Variants in GRM5 observed in about 807,000 individuals in gnomAD.
The protein encoded by GRM5 is metabotropic glutamate receptor 5.
In GRM5, 19 loss-of-function variants were observed where a neutral mutation model predicts 83.1. The observed-to-expected ratio is 0.23, with a 90% confidence interval of 0.16 to 0.34. The LOEUF (loss-of-function observed/expected upper bound fraction) is 0.34. Ranked by LOEUF, GRM5 falls within the 10% of genes least tolerant of loss-of-function variation. GRM5 has a pLI of 1.00. For missense variants in GRM5, 1,160 were observed against 1,588.3 expected (o/e 0.73, Z 4.58); for synonymous variants, 675 against 633.6 (o/e 1.07, Z -0.98).
At chr11:89,020,116 T>C (rs949722363) in intron 2 of GRM5, among the ~76,000 whole-genome samples, 5 of 152,206 alleles carry the variant, frequency 3.3e-5, no homozygotes, top group Non-Finnish European at 7.3e-5. Context: ...GGGCTGAATA[T>C]ACCTTATCTA....
intron 8 of GRM5, among the ~76,000 whole-genome samples, chr11:88,543,599 A>C (rs1942320715): frequency 6.6e-6 from 1 of 150,518 alleles, no homozygotes; most frequent in Non-Finnish European, 1.5e-5. Context: ...GGAAAAAAAA[A>C]ACCCACAACC....
intron 3 of GRM5, among the ~76,000 whole-genome samples, chr11:88,704,621 C>T (rs982762686): frequency 6.6e-6 from 1 of 152,052 alleles, no homozygotes; most frequent in African/African-American, 2.4e-5. Flanking sequence ...ACTGCTTGAC[C>T]CTTTTGCCCT....
intron 8 of GRM5, among the ~76,000 whole-genome samples, chr11:88,554,813 A>C (rs115831942): frequency 6.6e-6 from 1 of 152,144 alleles, no homozygotes; most frequent in East Asian, 1.9e-4. Flanking sequence ...TGAGACTGCT[A>C]TGGAATTTAC....
At chr11:88,871,003 T>A (rs1413655730) in intron 2 of GRM5, among the ~76,000 whole-genome samples, 1 of 151,668 alleles carries the variant, frequency 6.6e-6, no homozygotes. Flanking sequence ...GTGACCACTG[T>A]ACATTATATG....
chr11:88,778,121 T>TTC (rs1942897721), intron 3 of GRM5, among the ~76,000 whole-genome samples: 1 of 151,474 alleles, frequency 6.6e-6, no homozygotes, highest in Admixed American at 6.6e-5. Context: ...CATTTGGAGC[T>TTC]TCCTTGGCCA....
At chr11:88,610,589 A>G (rs1938285838) in intron 4 of GRM5, among the ~76,000 whole-genome samples, 1 of 152,172 alleles carries the variant, frequency 6.6e-6, no homozygotes, top group Non-Finnish European at 1.5e-5. Context: ...ACTTTACCGA[A>G]GTTGTTTATC....
At position 88,639,255 on chromosome 11, in the gene GRM5, G is replaced by T. The variant is rs76734967; in HGVS notation, c.1147+13913C>A. Among the ~76,000 whole-genome samples, 679 of 152,108 alleles carry T rather than the reference G, an allele frequency of 4.5e-3. 2 individuals are homozygous for T. The highest frequency in any genetic ancestry group is 0.015 in the African/African-American group (631 of 41,514). ...GAATACTCCGCTGAATGCTCAGGAG[G>T]GAGCCTCTACACATCTCCAGCATTC... On this transcript the variant is annotated intron_variant, in intron 4 of 9. Coordinates refer to ENST00000305447, the MANE Select transcript of GRM5 (RefSeq NM_001143831.3).
intron 2 of GRM5, among the ~76,000 whole-genome samples, chr11:89,021,533 G>T (rs1170014249): frequency 6.6e-6 from 1 of 152,168 alleles, no homozygotes; most frequent in Non-Finnish European, 1.5e-5. Context: ...ATGATTAACT[G>T]CACAGCTCAG....
Position 88,817,343 on chromosome 11 carries a change from CT to C in GRM5, c.911+32562del, listed in dbSNP as rs200577461. Among the ~76,000 whole-genome samples the C allele has an allele frequency of 5.7e-3, 865 of 151,206 alleles. 8 individuals carry two copies. Among genetic ancestry groups the C allele is most frequent in the African/African-American group, 0.02 (830 of 41,254 alleles). ...TAGATACCACAGAATTTAAATTTCT[CT>C]TTTTTTTTCTATTGATTATTTTTCC... On this transcript the variant is annotated intron_variant, in intron 3 of 9. Transcript: ENST00000305447.
intron 4 of GRM5, among the ~76,000 whole-genome samples, chr11:88,616,861 G>A (rs1271152558): frequency 1.3e-5 from 2 of 152,050 alleles, no homozygotes; most frequent in African/African-American, 4.8e-5. Flanking sequence ...TAACATTGGC[G>A]GTGATCTGTC....
intron 2 of GRM5, among the ~76,000 whole-genome samples, chr11:88,948,154 C>A (rs897486368): frequency 1.3e-5 from 2 of 152,072 alleles, no homozygotes; most frequent in African/African-American, 4.8e-5. Context: ...TATGACCGTC[C>A]TTTTCTTAAA....
chr11:88,897,065 G>A (rs1455341636), intron 2 of GRM5, among the ~76,000 whole-genome samples: 3 of 151,862 alleles, frequency 2.0e-5, no homozygotes, highest in Non-Finnish European at 4.4e-5. Flanking sequence ...CTGAAACACA[G>A]GATGAATCAT....
At chr11:89,041,700 A>T (rs2135142178) in intron 2 of GRM5, among the ~76,000 whole-genome samples, 1 of 152,312 alleles carries the variant, frequency 6.6e-6, no homozygotes, top group Non-Finnish European at 1.5e-5. Context: ...CTAGCAATGA[A>T]GTTTCTGACA....
chr11:88,660,491 G>A (rs1029993095), intron 3 of GRM5, among the ~76,000 whole-genome samples: 54 of 152,130 alleles, frequency 3.5e-4, no homozygotes, highest in Non-Finnish European at 4.4e-5. Flanking sequence ...ATCCCATGGT[G>A]CTACCTGCCA....
intron 3 of GRM5, among the ~76,000 whole-genome samples, chr11:88,711,744 A>G (rs1941285523): frequency 1.3e-5 from 2 of 152,060 alleles, no homozygotes. Context: ...CACTACAAAA[A>G]TGCTTCCTCT....
chr11:89,030,785 TAAG>T (rs1941243347), intron 2 of GRM5, among the ~76,000 whole-genome samples: 1 of 152,040 alleles, frequency 6.6e-6, no homozygotes, highest in South Asian at 2.1e-4. Context: ...CTATTATACT[TAAG>T]AACACTGAAT....
At chr11:88,651,880 C>T (rs1360649361) in intron 4 of GRM5, among the ~76,000 whole-genome samples, 2 of 152,096 alleles carry the variant, frequency 1.3e-5, no homozygotes, top group African/African-American at 4.8e-5. Flanking sequence ...CCACCATTGA[C>T]TATCTCCATC....
At chr11:88,807,010 A>G (rs764961236) in intron 3 of GRM5, among the ~76,000 whole-genome samples, 7 of 152,174 alleles carry the variant, frequency 4.6e-5, no homozygotes, top group Non-Finnish European at 7.4e-5. Flanking sequence ...TGCCCAGGCA[A>G]AACAAGGTTT....
At chr11:88,924,145 A>AAAAC (rs1945744595) in intron 2 of GRM5, among the ~76,000 whole-genome samples, 1 of 151,510 alleles carries the variant, frequency 6.6e-6, no homozygotes, top group Non-Finnish European at 1.5e-5. Flanking sequence ...AAAAAAAAAA[A>AAAAC]ATAAGAAATA....
Sources: allele counts gnomAD v4.1 joint callset (sites outside exome capture counted in the v4.1 genomes callset), GRCh38; gene constraint gnomAD v4.1.1; transcripts MANE v1.5; gene names NCBI Gene and HGNC (gene_info 2026-07-23, HGNC 2026-07-21).